Variants in DCDC1 observed in about 807,000 individuals in gnomAD.
DCDC1 encodes the protein doublecortin domain containing 1, also known as doublecortin domain-containing protein 1.
A neutral mutation model predicts 178.3 loss-of-function variants in DCDC1; 200 were observed. The ratio of observed to expected loss-of-function variants is 1.12; its 90% confidence interval spans 1.00 to 1.26. The LOEUF (loss-of-function observed/expected upper bound fraction) is 1.26. Among genes scored for constraint, DCDC1 ranks in the 50% most tolerant of loss-of-function variants. DCDC1 has a pLI of 0.00. For synonymous variants in DCDC1, 690 were observed against 604.8 expected (o/e 1.14, Z -2.07); for missense variants, 1,983 against 1,749.2 (o/e 1.13, Z -2.38).
chr11:30,960,850 T>A (rs1949051587), intron 20 of DCDC1, among the ~76,000 whole-genome samples: 1 of 152,152 alleles, frequency 6.6e-6, no homozygotes, highest in African/African-American at 2.4e-5. Flanking sequence ...TATAATGTCT[T>A]TATTAGCTTT....
At chr11:31,075,671 G>A (rs943920542) in intron 18 of DCDC1, among the ~76,000 whole-genome samples, 1 of 151,966 alleles carries the variant, frequency 6.6e-6, no homozygotes, top group African/African-American at 2.4e-5. Context: ...TACCCTTGTT[G>A]GCCATTTGTA....
intron 29 of DCDC1, 89 bp from the exon 30 acceptor site, chr11:30,906,814 C>T: frequency 1.8e-6 from 2 of 1,141,650 alleles, no homozygotes; most frequent in Non-Finnish European, 2.3e-6. Context: ...AAATATAGCA[C>T]TTTTAACACC....
At chr11:31,208,537 C>T (rs1368295420) in intron 9 of DCDC1, among the ~76,000 whole-genome samples, 1 of 152,182 alleles carries the variant, frequency 6.6e-6, no homozygotes, top group Non-Finnish European at 1.5e-5. Context: ...ACATACGAGT[C>T]AGCATTATCT....
At chr11:31,341,426 G>GATAGATAGATAC (rs1555184037) in intron 1 of DCDC1, among the ~76,000 whole-genome samples, 4,168 of 151,316 alleles carry the variant, frequency 0.028, 70 homozygotes, top group South Asian at 0.033. Flanking sequence ...TAGATAGATA[G>GATAGATAGATAC]ATAGATAGAT....
intron 36 of DCDC1, chr11:30,883,547 A>T (rs1375256933): frequency 2.5e-6 from 1 of 403,832 alleles, no homozygotes; most frequent in Admixed American, 3.5e-5. Context: ...TATGAACAAT[A>T]TGACTAAGAT....
chr11:31,056,241 A>C, intron 20 of DCDC1, among the ~76,000 whole-genome samples: 1 of 152,104 alleles, frequency 6.6e-6, no homozygotes, highest in East Asian at 1.9e-4. Flanking sequence ...GAAATTAAAT[A>C]ACATAAAATA....
chr11:31,210,051 TG>T (rs1219785391), intron 9 of DCDC1, among the ~76,000 whole-genome samples: 1 of 152,144 alleles, frequency 6.6e-6, no homozygotes, highest in African/African-American at 2.4e-5. Flanking sequence ...GTCTGCTACA[TG>T]GGGGGTATCC....
intron 13 of DCDC1, among the ~76,000 whole-genome samples, chr11:31,106,481 C>G (rs1160482845): frequency 6.6e-6 from 1 of 152,110 alleles, no homozygotes; most frequent in Non-Finnish European, 1.5e-5. Flanking sequence ...TGGGCTTGGG[C>G]CCCCCGTGGC....
At chr11:31,004,881 G>A (rs1951757100) in intron 20 of DCDC1, among the ~76,000 whole-genome samples, 1 of 151,954 alleles carries the variant, frequency 6.6e-6, no homozygotes, top group Non-Finnish European at 1.5e-5. Context: ...TAGATAAAAT[G>A]TCTAAGTGTT....
intron 28 of DCDC1, among the ~76,000 whole-genome samples, chr11:30,910,992 T>C (rs565095486): frequency 5.9e-5 from 9 of 152,292 alleles, no homozygotes; most frequent in South Asian, 4.1e-4. Flanking sequence ...GTGCATCTAA[T>C]AGCCATCCAC....
At chr11:31,115,895 C>T (rs758750746) in intron 11 of DCDC1, among the ~76,000 whole-genome samples, 1 of 148,616 alleles carries the variant, frequency 6.7e-6, no homozygotes, top group Non-Finnish European at 1.5e-5. Context: ...TGGATGCAGG[C>T]TGCCCCGAGG....
intron 9 of DCDC1, among the ~76,000 whole-genome samples, chr11:31,200,818 GTTA>G (rs1971211264): frequency 1.3e-5 from 2 of 151,590 alleles, no homozygotes; most frequent in African/African-American, 2.4e-5. Flanking sequence ...GTGAGGTTTT[GTTA>G]TTATCTTATA....
intron 20 of DCDC1, among the ~76,000 whole-genome samples, chr11:30,990,158 T>C (rs1022330524): frequency 4.0e-5 from 6 of 151,712 alleles, no homozygotes; most frequent in Non-Finnish European, 7.4e-5. Context: ...CAGCACAGAG[T>C]TGGGGTGTCA....
rs1405089307 is a variant in DCDC1 at position 31,306,510 on chromosome 11, T to C, written c.435-122A>G. On this transcript the variant is annotated intron_variant, in intron 4 of 38. Coordinates refer to ENST00000684477, the MANE Select transcript of DCDC1 (RefSeq NM_001387274.1). ...TAAAGATTGTTCCTATGTATATAAG[T>C]ATACCTAACAAAACTTTTTATAGGA... 4.9e-6 allele frequency: 5 copies of C among 1,014,208 alleles called. No homozygotes were observed. In the South Asian group the frequency reaches 1.0e-4, roughly 21 times the overall value. The allele number at this position is 1,014,208 out of a possible 1,614,324, so 62.8% of individuals were successfully genotyped here.
intron 20 of DCDC1, among the ~76,000 whole-genome samples, chr11:31,054,912 T>C (rs1168744119): frequency 6.6e-6 from 1 of 152,054 alleles, no homozygotes; most frequent in Non-Finnish European, 1.5e-5. Context: ...AAAAACCCTC[T>C]AGACATTGGC....
Position 30,921,472 on chromosome 11 carries a change from C to G in DCDC1, c.3134-537G>C, listed in dbSNP as rs528430103. ...CTTTTATAAAAGAAAAGCAAAAGTC[C>G]AAAGATAGTTTTTGACATTCAAACA... On this transcript the variant is annotated intron_variant, in intron 24 of 38. Coordinates refer to ENST00000684477, the MANE Select transcript of DCDC1 (RefSeq NM_001387274.1). 4.6e-5 allele frequency among the ~76,000 whole-genome samples: 7 copies of G among 152,052 alleles called. No individual in the cohort carries two copies. In the East Asian group the frequency reaches 9.7e-4, roughly 21 times the overall value.
At chr11:30,938,293 C>T (rs567952940) in intron 21 of DCDC1, among the ~76,000 whole-genome samples, 107 of 152,170 alleles carry the variant, frequency 7.0e-4, no homozygotes, top group African/African-American at 2.6e-3. Flanking sequence ...TCTCTGGGCA[C>T]GAGCCAAGCC....
chr11:31,362,511 G>A (rs1951761799), intron 1 of DCDC1, among the ~76,000 whole-genome samples: 2 of 152,064 alleles, frequency 1.3e-5, no homozygotes, highest in South Asian at 2.1e-4. Context: ...CACTTCAGAC[G>A]ATCAGTAATG....
At chr11:31,310,308 ATTTTTTTTTTTT>A (rs11407483) in intron 3 of DCDC1, among the ~76,000 whole-genome samples, 1 of 53,864 alleles carries the variant, frequency 1.9e-5, no homozygotes, top group Non-Finnish European at 3.2e-5. Flanking sequence ...GTAATTCTTG[ATTTTTTTTTTTT>A]TTTTTTTTTT....
Sources: allele counts gnomAD v4.1 joint callset (sites outside exome capture counted in the v4.1 genomes callset), GRCh38; gene constraint gnomAD v4.1.1; transcripts MANE v1.5; gene names NCBI Gene and HGNC (gene_info 2026-07-23, HGNC 2026-07-21).